The following ABCC12 variants were observed in gnomAD, a reference collection of about 807,000 sequenced individuals.
The protein encoded by ABCC12 is ATP-binding cassette sub-family C member 12.
A neutral mutation model predicts 151.1 loss-of-function variants in ABCC12; 142 were observed. That is an observed-to-expected ratio of 0.94 (90% CI 0.82 to 1.08). The LOEUF (loss-of-function observed/expected upper bound fraction) is 1.08. Ranked by LOEUF, ABCC12 falls within the 50% of genes least tolerant of loss-of-function variation. The probability of loss-of-function intolerance (pLI) is 0.00; values close to 1 mark genes in which losing one functional copy is unlikely to be tolerated. For synonymous variants in ABCC12, 645 were observed against 646.4 expected (o/e 1.00, Z 0.03); for missense variants, 1,638 against 1,691.1 (o/e 0.97, Z 0.55).
In ABCC12 at chr16:48,122,629, G is replaced by T. The variant is rs1225226953; in HGVS notation, c.1588-789C>A. 2.0e-4 allele frequency among the ~76,000 whole-genome samples: 31 copies of T among 152,140 alleles called. 1 individual carries two copies. The highest frequency in any genetic ancestry group is 2.0e-3 in the Admixed American group (31 of 15,274). ...ACGGGGCAGTGGCAGTGGGTCCAGG[G>T]GCAAAGAAGGAGAGTCACCAAGGCG... is the stretch of plus-strand genomic sequence containing the variant. On this transcript the variant is annotated intron_variant, in intron 12 of 30. Transcript: ENST00000311303.
intron 8 of ABCC12, 69 bp downstream of exon 8, chr16:48,138,159 C>T (rs980974588): frequency 1.0e-5 from 15 of 1,475,220 alleles, no homozygotes; most frequent in African/African-American, 4.2e-5. Context: ...CCCTGGGAAC[C>T]GTAAGAACCC....
intron 19 of ABCC12, among the ~76,000 whole-genome samples, 195 bp downstream of exon 19, chr16:48,108,245 T>C (rs115116737): frequency 6.6e-6 from 1 of 152,146 alleles, no homozygotes; most frequent in African/African-American, 2.4e-5. Flanking sequence ...TTAATGGAGA[T>C]AAAGAATGAT....
chr16:48,090,704 C>T (rs1962843569), intron 25 of ABCC12, among the ~76,000 whole-genome samples: 1 of 151,964 alleles, frequency 6.6e-6, no homozygotes, highest in African/African-American at 2.4e-5. Flanking sequence ...ATGACTCGTC[C>T]GATTTGGGGT....
rs1423724122 is a variant in ABCC12 at position 48,133,614 on chromosome 16, T to C, written c.1128+73A>G. On this transcript the variant is annotated intron_variant, in intron 9 of 30. Transcript: ENST00000311303. ...TCCTAATGCCAGTATTGAGCGACGG[T>C]AGGAAGGGCTTCCCACCTGGGACTT... 4 of 1,558,174 alleles carry C rather than the reference T, an allele frequency of 2.6e-6. No individual in the cohort carries two copies. The South Asian group carries it at 3.6e-5, about 14-fold the overall frequency.
chr16:48,096,225 A>G (rs1172041726), intron 24 of ABCC12, among the ~76,000 whole-genome samples: 1 of 152,230 alleles, frequency 6.6e-6, no homozygotes, highest in African/African-American at 2.4e-5. Flanking sequence ...TCTCCCCAGC[A>G]TTCATTTCAC....
At chr16:48,085,568 C>G (rs1475035518) in intron 29 of ABCC12, 25 bp downstream of exon 29, 1 of 1,604,732 alleles carries the variant, frequency 6.2e-7, no homozygotes, top group Non-Finnish European at 8.5e-7. Context: ...AAAATTTGAC[C>G]AATCCATTTT....
intron 22 of ABCC12, among the ~76,000 whole-genome samples, chr16:48,103,095 G>A (rs1482398220): frequency 6.6e-6 from 1 of 152,152 alleles, no homozygotes; most frequent in African/African-American, 2.4e-5. Flanking sequence ...TCTAAAACTA[G>A]GATCTGAGCG....
chr16:48,136,819 G>A (rs541979626), intron 8 of ABCC12, among the ~76,000 whole-genome samples: 72 of 152,256 alleles, frequency 4.7e-4, no homozygotes, highest in Non-Finnish European at 9.1e-4. Flanking sequence ...CGAGTGTGGC[G>A]TGTGGTTCTA....
At chr16:48,120,998 A>G (rs934387019) in intron 13 of ABCC12, among the ~76,000 whole-genome samples, 1 of 152,222 alleles carries the variant, frequency 6.6e-6, no homozygotes, top group African/African-American at 2.4e-5. Context: ...TTTGAAATAT[A>G]TAATACATTA....
At chr16:48,127,665 G>T (rs763273284) in intron 11 of ABCC12, among the ~76,000 whole-genome samples, 1 of 152,160 alleles carries the variant, frequency 6.6e-6, no homozygotes, top group Non-Finnish European at 1.5e-5. Flanking sequence ...ATGATGCCTG[G>T]TTATTGAAGT....
At chr16:48,111,359 A>G (rs1009200693) in intron 18 of ABCC12, 77 bp downstream of exon 18, 3 of 1,513,990 alleles carry the variant, frequency 2.0e-6, no homozygotes, top group Middle Eastern at 1.7e-4. Context: ...CACAGTGTCT[A>G]CACTGTCTGT....
rs762865672 is a variant in ABCC12 at position 48,138,313 on chromosome 16, T to C, written c.894A>G (p.Arg298=). 6 of 1,613,946 alleles carry C rather than the reference T, an allele frequency of 3.7e-6. No homozygotes were observed. In the African/African-American group the frequency reaches 8.0e-5, roughly 22 times the overall value. ...TCAGAAACTCATTCATTGTCTGAACTCGCTTGTCTGTCACCAAAATTGCTG... is the reference window on the plus strand; with the variant it reads ...TCAGAAACTCATTCATTGTCTGAACCCGCTTGTCTGTCACCAAAATTGCTG... The part of the protein sequence containing the change: ...RRSAILVTDK[R]VQTMNEFLTC... Residue 298 remains arginine (R), a synonymous_variant, in exon 8 of 31, where the codon CGA becomes CGG. Coordinates refer to ENST00000311303, the MANE Select transcript of ABCC12 (RefSeq NM_001393797.1).
chr16:48,115,402 C>A lies in ABCC12; in HGVS notation c.1989+13G>T, dbSNP rs1414636894. The A allele has an allele frequency of 1.2e-6, 2 of 1,613,138 alleles. No individual in the cohort carries two copies. The highest frequency in any genetic ancestry group is 3.3e-5 in the Admixed American group (2 of 59,940). On this transcript the variant is annotated intron_variant, in intron 15 of 30. Coordinates refer to ENST00000311303, the MANE Select transcript of ABCC12 (RefSeq NM_001393797.1). The stretch of plus-strand genomic sequence containing the variant: ...CCATCCCGTGACCTCCTGGATCCTG[C>A]ATGTCCCATCACCTGTAGCTGGTGG...
chr16:48,111,745 T>C, intron 16 of ABCC12, 31 bp downstream of exon 16: 1 of 1,614,012 alleles, frequency 6.2e-7, no homozygotes. Flanking sequence ...TCCGCCCCAA[T>C]TGTTCCCACA....
intron 25 of ABCC12, among the ~76,000 whole-genome samples, chr16:48,090,693 G>T (rs1477207596): frequency 6.6e-6 from 1 of 152,092 alleles, no homozygotes; most frequent in African/African-American, 2.4e-5. Context: ...TAAGAAGAGG[G>T]ATGACTCGTC....
chr16:48,139,243 A>C lies in ABCC12; in HGVS notation c.751T>G (p.Cys251Gly). ...AGAATGAAAAAGGCGTACGCCGCAC[A>C]AAAGACCATTAGGATCGGGATGGTG... ...PATIPILMVF[C>G]AAYAFFILGP... Residue 251 changes from cysteine to glycine, a missense_variant, in exon 7 of 31, where the codon TGT becomes GGT. Cys to Gly is a radical substitution (Grantham distance 159, BLOSUM62 -3). Transcript: ENST00000311303. 6.2e-7 allele frequency: 1 copy of C among 1,614,214 alleles called. No individual in the cohort carries two copies. Among genetic ancestry groups the C allele is most frequent in the Non-Finnish European group, 8.5e-7 (1 of 1,180,034 alleles).
chr16:48,133,920 T>G, intron 8 of ABCC12, 85 bp from the exon 9 acceptor site: 1 of 1,512,020 alleles, frequency 6.6e-7, no homozygotes, highest in Non-Finnish European at 9.0e-7. Context: ...TACTTGGTCC[T>G]CTTCCAGATG....
intron 20 of ABCC12, among the ~76,000 whole-genome samples, chr16:48,105,653 T>C (rs976364976): frequency 4.6e-5 from 7 of 152,136 alleles, no homozygotes; most frequent in African/African-American, 1.2e-4. Context: ...CCAGAAGCAA[T>C]GCTGGGCTGG....
intron 8 of ABCC12, among the ~76,000 whole-genome samples, chr16:48,135,269 C>T (rs1447959027): frequency 6.6e-6 from 1 of 152,158 alleles, no homozygotes; most frequent in Non-Finnish European, 1.5e-5. Flanking sequence ...CTTTCTCCTG[C>T]GGCAAAACCT....
Sources: gnomAD v4.1 joint callset for allele counts (sites outside exome capture counted in the v4.1 genomes callset) on GRCh38, gnomAD v4.1.1 for gene constraint, MANE v1.5 for transcripts, NCBI Gene and HGNC (gene_info 2026-07-23, HGNC 2026-07-21) for gene names.